The following MAGI2 variants were observed in gnomAD, a reference collection of about 807,000 sequenced individuals.
MAGI2 encodes membrane-associated guanylate kinase, WW and PDZ domain-containing protein 2.
Under a neutral mutation model 133.3 loss-of-function variants are expected in MAGI2, and 35 were observed. The ratio of observed to expected loss-of-function variants is 0.26; its 90% confidence interval spans 0.20 to 0.35. The LOEUF is 0.35. Ranked by LOEUF, MAGI2 falls within the 10% of genes least tolerant of loss-of-function variation. The pLI is 1.00. For synonymous variants in MAGI2, 729 were observed against 710.6 expected (o/e 1.03, Z -0.41); for missense variants, 1,636 against 1,863.4 (o/e 0.88, Z 2.25).
rs527938951 is a variant in MAGI2, at chr7:79,379,216, G to T, written c.301+73804C>A. Among the ~76,000 whole-genome samples the T allele has an allele frequency of 9.7e-3, 1,464 of 150,760 alleles. 22 individuals carry two copies. Among genetic ancestry groups the T allele is most frequent in the African/African-American group, 0.033 (1,367 of 41,040 alleles). On this transcript the variant is annotated intron_variant, in intron 1 of 21. Transcript: ENST00000354212. ...TATGAGTGAGAACATGTGGTGTTTG[G>T]TTTTTTGTCCTTGCGATAGTTTGCT... is the stretch of plus-strand genomic sequence containing the variant.
intron 1 of MAGI2, among the ~76,000 whole-genome samples, chr7:79,421,027 C>G (rs754066516): frequency 6.6e-6 from 1 of 151,858 alleles, no homozygotes; most frequent in Non-Finnish European, 1.5e-5. Context: ...TGCACAAAAT[C>G]CAATAAAATT....
chr7:79,353,274 C>A, intron 1 of MAGI2: 1 of 326,862 alleles, frequency 3.1e-6, no homozygotes. Flanking sequence ...TCAGCCCTGG[C>A]AGGGTGGTTT....
intron 1 of MAGI2, among the ~76,000 whole-genome samples, chr7:79,438,657 C>G (rs1848303999): frequency 6.6e-6 from 1 of 152,020 alleles, no homozygotes; most frequent in Non-Finnish European, 1.5e-5. Flanking sequence ...CCTAGTGCCT[C>G]CCCTTCACCA....
At chr7:78,858,383 G>A (rs921917268) in intron 2 of MAGI2, among the ~76,000 whole-genome samples, 21 of 152,088 alleles carry the variant, frequency 1.4e-4, no homozygotes, top group Non-Finnish European at 2.6e-4. Context: ...TCTCTTGTGG[G>A]CATTTAGTGC....
At chr7:79,362,689 G>A (rs1016883453) in intron 1 of MAGI2, among the ~76,000 whole-genome samples, 5 of 151,850 alleles carry the variant, frequency 3.3e-5, no homozygotes, top group South Asian at 4.1e-4. Context: ...AAGAAAACAC[G>A]ATCATATCAA....
intron 17 of MAGI2, 50 bp from the exon 18 acceptor site, chr7:78,133,110 G>A (rs369890368): frequency 2.1e-6 from 3 of 1,431,438 alleles, no homozygotes; most frequent in South Asian, 1.5e-5. Flanking sequence ...GTGTTGATAA[G>A]GGGAAAGAAG....
In MAGI2 at chr7:78,160,027, A is replaced by T. The variant is rs758963878; in HGVS notation, c.2843T>A (p.Ile948Lys). Residue 948 changes from isoleucine (I) to lysine (K), a missense_variant and splice_region_variant, in exon 16 of 22, where the codon ATA (isoleucine) becomes AAA (lysine). Physicochemically the swap from Ile to Lys is moderately radical, Grantham distance 102 (BLOSUM62 -3). Coordinates refer to ENST00000354212, the MANE Select transcript of MAGI2 (RefSeq NM_012301.4). ...SLNRPESGST[I>K]TVPHKIGRII... Reference sequence around the variant, plus strand: ...TGCAGGCAAATTTCAGCACTTACTTATAGTGGATCCAGACTCAGGCCTGTT... The same window carrying T: ...TGCAGGCAAATTTCAGCACTTACTTTTAGTGGATCCAGACTCAGGCCTGTT... The T allele has an allele frequency of 6.4e-7, 1 of 1,560,368 alleles. No individual in the cohort carries two copies. Among genetic ancestry groups the T allele is most frequent in the East Asian group, 2.3e-5 (1 of 43,876 alleles).
At chr7:78,464,478 T>C (rs1049600533) in intron 6 of MAGI2, among the ~76,000 whole-genome samples, 1 of 152,118 alleles carries the variant, frequency 6.6e-6, no homozygotes, top group Admixed American at 6.5e-5. Context: ...TGTAGCCCTT[T>C]TAAAGGCTTC....
At chr7:78,662,597 A>G (rs1813093448) in intron 2 of MAGI2, among the ~76,000 whole-genome samples, 1 of 152,078 alleles carries the variant, frequency 6.6e-6, no homozygotes, top group South Asian at 2.1e-4. Context: ...ATTTCCATTT[A>G]TTTTATAATG....
chr7:78,521,877 T>G (rs1189551767), intron 3 of MAGI2, among the ~76,000 whole-genome samples: 3 of 152,172 alleles, frequency 2.0e-5, no homozygotes, highest in Non-Finnish European at 4.4e-5. Context: ...AGATCTATCT[T>G]TATTCTCATC....
At chr7:78,225,116 C>T (rs1015327956) in intron 10 of MAGI2, among the ~76,000 whole-genome samples, 4 of 152,176 alleles carry the variant, frequency 2.6e-5, no homozygotes, top group Non-Finnish European at 5.9e-5. Context: ...ACTGCACAAA[C>T]TGCTGTAAGA....
At chr7:79,127,510 T>G (rs1261320464) in intron 1 of MAGI2, among the ~76,000 whole-genome samples, 1 of 152,204 alleles carries the variant, frequency 6.6e-6, no homozygotes, top group Non-Finnish European at 1.5e-5. Flanking sequence ...TGTGAGATGG[T>G]ATCTCATTGT....
chr7:78,168,159 T>C (rs765062285), intron 14 of MAGI2, 51 bp from the exon 15 acceptor site: 2 of 302,952 alleles, frequency 6.6e-6, no homozygotes, highest in Non-Finnish European at 4.6e-6. Context: ...TCCTTTTTCC[T>C]TTTTTTTTTT....
intron 2 of MAGI2, among the ~76,000 whole-genome samples, chr7:78,725,339 T>C (rs538610532): frequency 6.6e-6 from 1 of 152,384 alleles, no homozygotes; most frequent in East Asian, 1.9e-4. Flanking sequence ...AGAACTATTT[T>C]GATCTTCACT....
intron 1 of MAGI2, among the ~76,000 whole-genome samples, chr7:79,323,558 G>A (rs533172507): frequency 3.3e-5 from 5 of 152,194 alleles, no homozygotes; most frequent in Non-Finnish European, 7.4e-5. Context: ...AGACAAGAGT[G>A]GTGAGTAGAG....
intron 3 of MAGI2, among the ~76,000 whole-genome samples, chr7:78,600,123 C>A (rs1352272532): frequency 1.3e-5 from 2 of 152,006 alleles, no homozygotes. Context: ...CCATAAGTTT[C>A]AAAAATGTGA....
At chr7:79,327,808 A>G (rs1839806732) in intron 1 of MAGI2, among the ~76,000 whole-genome samples, 1 of 152,194 alleles carries the variant, frequency 6.6e-6, no homozygotes, top group African/African-American at 2.4e-5. Flanking sequence ...ATAATGCAGA[A>G]AAATCTACTG....
intron 3 of MAGI2, chr7:78,616,026 T>G (rs1807049158): frequency 6.6e-6 from 1 of 152,164 alleles, no homozygotes; most frequent in Non-Finnish European, 1.5e-5. Context: ...TTAATTATCC[T>G]TAGAATAAAG....
At chr7:78,536,159 C>G (rs1342939675) in intron 3 of MAGI2, among the ~76,000 whole-genome samples, 2 of 112,846 alleles carry the variant, frequency 1.8e-5, no homozygotes, top group African/African-American at 6.9e-5. Context: ...GTCGCCCAGG[C>G]TGGAGTGCAG....
Sources: gnomAD v4.1 joint callset for allele counts (sites outside exome capture counted in the v4.1 genomes callset) on GRCh38, gnomAD v4.1.1 for gene constraint, MANE v1.5 for transcripts, NCBI Gene and HGNC (gene_info 2026-07-23, HGNC 2026-07-21) for gene names.